The following ZNF804A variants were observed in gnomAD, a reference collection of about 807,000 sequenced individuals.
ZNF804A encodes the protein zinc finger protein 804A.
Under a neutral mutation model 16.5 loss-of-function variants are expected in ZNF804A, and 2 were observed. That is an observed-to-expected ratio of 0.12 (90% CI 0.05 to 0.38). The LOEUF is 0.38. Ranked by LOEUF, ZNF804A falls within the 10% of genes least tolerant of loss-of-function variation. The pLI is 0.99. For synonymous variants in ZNF804A, 534 were observed against 489.6 expected, an observed-to-expected ratio of 1.09 and a Z score of -1.20; for missense variants, 1,473 against 1,390.7, an observed-to-expected ratio of 1.06 and a Z score of -0.94.
chr2:184,924,903 T>A (rs1453735242), intron 2 of ZNF804A, among the ~76,000 whole-genome samples: 1 of 151,978 alleles, frequency 6.6e-6, no homozygotes, highest in African/African-American at 2.4e-5. Context: ...TCAGAGAAGA[T>A]GCTTGATATT....
intron 1 of ZNF804A, among the ~76,000 whole-genome samples, chr2:184,832,676 CA>C (rs200114890): frequency 0.035 from 5,296 of 151,758 alleles, 123 homozygotes; most frequent in Middle Eastern, 0.062. Context: ...CTATCTTTTT[CA>C]TCCCCCAAAT....
chr2:184,622,128 G>GTGA (rs1366626781), intron 1 of ZNF804A, among the ~76,000 whole-genome samples: 1 of 151,742 alleles, frequency 6.6e-6, no homozygotes, highest in African/African-American at 2.4e-5. Context: ...TTCAGAGCCA[G>GTGA]AGCTTATATT....
At chr2:184,647,982 G>T (rs1329732266) in intron 1 of ZNF804A, among the ~76,000 whole-genome samples, 1 of 152,056 alleles carries the variant, frequency 6.6e-6, no homozygotes, top group Non-Finnish European at 1.5e-5. Context: ...AAGACAGCTA[G>T]ATAAAAAGCT....
At chr2:184,715,374 A>G (rs1407969787) in intron 1 of ZNF804A, among the ~76,000 whole-genome samples, 1 of 152,108 alleles carries the variant, frequency 6.6e-6, no homozygotes, top group East Asian at 1.9e-4. Flanking sequence ...AAGAATAATA[A>G]AAGATATAAG....
rs550423686 is a variant in ZNF804A, at chr2:184,624,523, T to C, written c.111+25453T>C. On this transcript the variant is annotated intron_variant, in intron 1 of 3. Transcript: ENST00000302277. The stretch of plus-strand genomic sequence containing the variant: ...CAATGATTCTATAAAAGACTGAGCA[T>C]ATGTGCCAAGTTGGATCACTTACAA... Among the ~76,000 whole-genome samples the C allele has an allele frequency of 7.2e-5, 11 of 152,290 alleles. No individual in the cohort carries two copies. In the East Asian group the frequency reaches 2.1e-3, roughly 29 times the overall value.
intron 1 of ZNF804A, among the ~76,000 whole-genome samples, chr2:184,707,740 G>A (rs566351341): frequency 6.6e-6 from 1 of 152,170 alleles, no homozygotes; most frequent in Admixed American, 6.5e-5. Context: ...GAACAGTGTT[G>A]CATTTTTGAA....
intron 2 of ZNF804A, among the ~76,000 whole-genome samples, chr2:184,919,907 GGAGTTA>G (rs1685503527): frequency 6.6e-6 from 1 of 152,134 alleles, no homozygotes; most frequent in Non-Finnish European, 1.5e-5. Context: ...CCTGAGGTCA[GGAGTTA>G]GAGATTAGCC....
At chr2:184,817,786 C>A (rs992653715) in intron 1 of ZNF804A, among the ~76,000 whole-genome samples, 6 of 151,886 alleles carry the variant, frequency 4.0e-5, no homozygotes, top group African/African-American at 1.2e-4. Context: ...CCAGAATACA[C>A]TGAACAGAGG....
chr2:184,890,192 T>C (rs1684958783), intron 2 of ZNF804A, among the ~76,000 whole-genome samples: 1 of 152,180 alleles, frequency 6.6e-6, no homozygotes, highest in African/African-American at 2.4e-5. Context: ...AACTTCTTTT[T>C]ATAGCTGACT....
At chr2:184,860,237 G>C (rs1695778062) in intron 1 of ZNF804A, among the ~76,000 whole-genome samples, 1 of 152,164 alleles carries the variant, frequency 6.6e-6, no homozygotes, top group African/African-American at 2.4e-5. Flanking sequence ...ATAGGTACTG[G>C]CCTAGAGGCT....
chr2:184,728,026 G>C (rs1194228592), intron 1 of ZNF804A, among the ~76,000 whole-genome samples: 1 of 151,648 alleles, frequency 6.6e-6, no homozygotes, highest in Non-Finnish European at 1.5e-5. Flanking sequence ...GCAGTAACAG[G>C]AAGTAATCAA....
At chr2:184,607,098 G>C (rs1475480721) in intron 1 of ZNF804A, among the ~76,000 whole-genome samples, 3 of 152,100 alleles carry the variant, frequency 2.0e-5, no homozygotes, top group African/African-American at 7.2e-5. Flanking sequence ...AACTTTATCT[G>C]AAATGTTTGC....
chr2:184,869,680 C>A (rs1484865412), intron 2 of ZNF804A, among the ~76,000 whole-genome samples: 3 of 151,970 alleles, frequency 2.0e-5, no homozygotes, highest in African/African-American at 7.2e-5. Context: ...TGAGACCATT[C>A]TTTATTTAGG....
intron 1 of ZNF804A, among the ~76,000 whole-genome samples, chr2:184,809,254 T>C (rs1246265315): frequency 1.3e-5 from 2 of 151,790 alleles, no homozygotes; most frequent in Non-Finnish European, 3.0e-5. Context: ...AAAATTATTA[T>C]TTTTATTTTA....
intron 1 of ZNF804A, among the ~76,000 whole-genome samples, chr2:184,759,627 A>T (rs911926470): frequency 6.6e-6 from 1 of 152,080 alleles, no homozygotes; most frequent in Admixed American, 6.6e-5. Context: ...TAGGAATGAT[A>T]TTATTGTCAG....
At chr2:184,921,611 G>T (rs1459586701) in intron 2 of ZNF804A, among the ~76,000 whole-genome samples, 1 of 152,040 alleles carries the variant, frequency 6.6e-6, no homozygotes, top group Non-Finnish European at 1.5e-5. Flanking sequence ...CTCACCTTAA[G>T]CATTTATCCT....
chr2:184,632,114 C>A (rs544549574), intron 1 of ZNF804A, among the ~76,000 whole-genome samples: 2 of 150,910 alleles, frequency 1.3e-5, no homozygotes, highest in Non-Finnish European at 2.9e-5. Context: ...GGTACCTTTA[C>A]AAGTGGTCAG....
intron 2 of ZNF804A, among the ~76,000 whole-genome samples, chr2:184,893,923 C>T (rs1028044149): frequency 2.0e-5 from 3 of 152,068 alleles, no homozygotes; most frequent in Admixed American, 6.5e-5. Context: ...AGAGACTGGA[C>T]GATCTTTAAA....
chr2:184,831,722 A>C (rs1377722845), intron 1 of ZNF804A, among the ~76,000 whole-genome samples: 1 of 149,156 alleles, frequency 6.7e-6, no homozygotes, highest in Non-Finnish European at 1.5e-5. Flanking sequence ...CTCCTATGTG[A>C]TGTTGGCCTC....
Sources: allele counts gnomAD v4.1 joint callset (sites outside exome capture counted in the v4.1 genomes callset), GRCh38; gene constraint gnomAD v4.1.1; transcripts MANE v1.5; gene names NCBI Gene and HGNC (gene_info 2026-07-23, HGNC 2026-07-21).